Variants in OXR1 observed in about 807,000 individuals in gnomAD.
OXR1 encodes oxidation resistance protein 1.
A neutral mutation model predicts 104.6 loss-of-function variants in OXR1; 41 were observed. The ratio of observed to expected loss-of-function variants is 0.39; its 90% CI spans 0.31 to 0.51. The LOEUF (loss-of-function observed/expected upper bound fraction) is 0.51, where lower values mean the gene tolerates loss of function less well. OXR1 is among the 20% of genes least tolerant of loss of function. OXR1 has a pLI of 0.77. For missense variants in OXR1, 955 were observed against 1,031.9 expected (o/e 0.93, Z 1.02); for synonymous variants, 348 against 348.4 (o/e 1.00, Z 0.01).
chr8:106,654,391 G>A (rs1417287445), intron 3 of OXR1, among the ~76,000 whole-genome samples: 1 of 151,960 alleles, frequency 6.6e-6, no homozygotes, highest in Non-Finnish European at 1.5e-5. Flanking sequence ...TTGTATTTAA[G>A]GTCAATTAAT....
At chr8:106,645,102 T>C (rs1236007553) in intron 3 of OXR1, among the ~76,000 whole-genome samples, 1 of 152,114 alleles carries the variant, frequency 6.6e-6, no homozygotes, top group Non-Finnish European at 1.5e-5. Flanking sequence ...TTTTACTACA[T>C]AATGTATAGG....
chr8:106,584,319 G>A (rs987422656), intron 3 of OXR1, among the ~76,000 whole-genome samples: 1 of 151,728 alleles, frequency 6.6e-6, no homozygotes, highest in Non-Finnish European at 1.5e-5. Context: ...AAAAGAGAGG[G>A]GTGTTCGGGG....
intron 1 of OXR1, among the ~76,000 whole-genome samples, chr8:106,335,853 T>C (rs1410222079): frequency 3.3e-5 from 5 of 152,140 alleles, no homozygotes; most frequent in Non-Finnish European, 7.4e-5. Context: ...CCCAGCACTT[T>C]GGGAAGCCGA....
intron 6 of OXR1, among the ~76,000 whole-genome samples, chr8:106,684,903 T>G (rs28921403): frequency 0.017 from 2,640 of 152,306 alleles, 55 homozygotes; most frequent in African/African-American, 0.06. Context: ...TTTAATAATT[T>G]TGATTAAAAT....
chr8:106,320,628 T>C (rs532406108), intron 1 of OXR1, among the ~76,000 whole-genome samples: 1 of 152,032 alleles, frequency 6.6e-6, no homozygotes, highest in South Asian at 2.1e-4. Flanking sequence ...TTTTAATTCT[T>C]ATTTTCTCCC....
intron 2 of OXR1, among the ~76,000 whole-genome samples, chr8:106,397,588 ATAAAG>A (rs1817830739): frequency 6.6e-6 from 1 of 152,056 alleles, no homozygotes; most frequent in Non-Finnish European, 1.5e-5. Context: ...GATGAAATAA[ATAAAG>A]TATTGATTAG....
chr8:106,590,886 G>A (rs956885216), intron 3 of OXR1, among the ~76,000 whole-genome samples: 4 of 152,166 alleles, frequency 2.6e-5, no homozygotes, highest in African/African-American at 9.7e-5. Context: ...ATAGCCAGGT[G>A]TGCCCATCTC....
chr8:106,750,958 C>T lies in OXR1; in HGVS notation c.*17C>T. 1.3e-6 allele frequency: 2 copies of T among 1,587,540 alleles called. No homozygotes were observed. The highest frequency in any genetic ancestry group is 4.5e-5 in the East Asian group (2 of 44,448). ...TTTGAATAAATAAAATGCTCTCTGT[C>T]TTAGCAGGAGAATGGCCCAAACCTG... On this transcript the variant is annotated 3_prime_UTR_variant, in exon 17 of 17. Coordinates refer to ENST00000517566, the MANE Select transcript of OXR1 (RefSeq NM_001198533.2).
intron 2 of OXR1, among the ~76,000 whole-genome samples, chr8:106,391,686 AT>A (rs1329803558): frequency 1.3e-5 from 2 of 152,178 alleles, no homozygotes; most frequent in East Asian, 1.9e-4. Flanking sequence ...CAAACTTAGA[AT>A]TTTTTTTAAA....
chr8:106,684,022 G>A (rs1233708261), intron 5 of OXR1, among the ~76,000 whole-genome samples: 1 of 152,086 alleles, frequency 6.6e-6, no homozygotes, highest in Non-Finnish European at 1.5e-5. Context: ...TATAGTGTAT[G>A]ACAATTAATG....
At chr8:106,280,518 GTC>G (rs1310395333) in intron 1 of OXR1, among the ~76,000 whole-genome samples, 2 of 152,050 alleles carry the variant, frequency 1.3e-5, no homozygotes, top group African/African-American at 4.8e-5. Context: ...TCTCTTCTGT[GTC>G]TCTGACTCAA....
rs991247672 is a variant in OXR1, at chr8:106,644,380, A to G, written c.221-34830A>G. ...AAAAATGTAACTTAATCATTTGCAA[A>G]ATCTATCAGTCAAAATAAGCTAAGC... On this transcript the variant is annotated intron_variant, in intron 3 of 16. Transcript: ENST00000517566. Among the ~76,000 whole-genome samples the G allele has an allele frequency of 4.6e-5, 7 of 152,356 alleles. No individual in the cohort carries two copies. The South Asian group carries it at 1.0e-3, about 23-fold the overall frequency.
chr8:106,461,222 C>A (rs1013463330), intron 2 of OXR1, among the ~76,000 whole-genome samples: 1 of 152,062 alleles, frequency 6.6e-6, no homozygotes, highest in Non-Finnish European at 1.5e-5. Context: ...AGAGTAGTCT[C>A]CCCTGGGAGA....
intron 1 of OXR1, among the ~76,000 whole-genome samples, chr8:106,324,503 C>T (rs1451045845): frequency 6.6e-6 from 1 of 150,552 alleles, no homozygotes; most frequent in Non-Finnish European, 1.5e-5. Flanking sequence ...GTACCCCAAA[C>T]CTAAAATATT....
chr8:106,553,556 G>C (rs1467234800), intron 3 of OXR1, among the ~76,000 whole-genome samples: 2 of 152,096 alleles, frequency 1.3e-5, no homozygotes, highest in Non-Finnish European at 2.9e-5. Context: ...CTGAGCTCAA[G>C]CGATCCACCT....
intron 3 of OXR1, chr8:106,618,125 C>A (rs570297478): frequency 6.5e-7 from 1 of 1,535,978 alleles, no homozygotes; most frequent in Admixed American, 2.0e-5. Context: ...GAAAGCAGCT[C>A]ACTGCTAGCT....
At chr8:106,552,142 A>G (rs1259894890) in intron 3 of OXR1, among the ~76,000 whole-genome samples, 1 of 152,058 alleles carries the variant, frequency 6.6e-6, no homozygotes, top group African/African-American at 2.4e-5. Context: ...GATCATTCAT[A>G]CTAGGGGAAT....
chr8:106,492,190 T>G (rs2129867099), intron 2 of OXR1, among the ~76,000 whole-genome samples: 1 of 152,348 alleles, frequency 6.6e-6, no homozygotes, highest in African/African-American at 2.4e-5. Context: ...AGTTTGGGAA[T>G]GACAGAGGAA....
At chr8:106,554,717 C>T (rs10109929) in intron 3 of OXR1, among the ~76,000 whole-genome samples, 108,285 of 151,870 alleles carry the variant, frequency 0.71, 38,825 homozygotes, top group Admixed American at 0.78. Context: ...GCATTGGGAC[C>T]TTTAAAAATC....
Sources: allele counts gnomAD v4.1 joint callset (sites outside exome capture counted in the v4.1 genomes callset), GRCh38; gene constraint gnomAD v4.1.1; transcripts MANE v1.5; gene names NCBI Gene and HGNC (gene_info 2026-07-23, HGNC 2026-07-21).